ERBB4: variants seen among roughly 807,000 people sequenced by gnomAD.
The protein encoded by ERBB4 is erb-b2 receptor tyrosine kinase 4, also known as receptor tyrosine-protein kinase erbB-4.
A neutral mutation model predicts 158.0 loss-of-function variants in ERBB4; 42 were observed. That is an observed-to-expected ratio of 0.27 (90% CI 0.21 to 0.34). ERBB4 has a LOEUF of 0.34. ERBB4 is among the 10% of genes least tolerant of loss of function. ERBB4 has a pLI of 1.00. For synonymous variants in ERBB4, 583 were observed against 558.7 expected (o/e 1.04, Z -0.61); for missense variants, 1,333 against 1,624.1 (o/e 0.82, Z 3.08).
In ERBB4 at chr2:211,655,306, G is replaced by A. The variant is rs868100411; in HGVS notation, c.1946+2448C>T. On this transcript the variant is annotated intron_variant, in intron 16 of 27. Coordinates refer to ENST00000342788, the MANE Select transcript of ERBB4 (RefSeq NM_005235.3). ...CCTCTCTCCTTCCCCCGGGAAGCAC[G>A]TTCTCTCACCCTCAAGGTTTGAGAA... Among the ~76,000 whole-genome samples, 4 of 152,108 alleles carry A rather than the reference G, an allele frequency of 2.6e-5. No individual in the cohort carries two copies. The East Asian group carries it at 5.8e-4, about 22-fold the overall frequency.
intron 25 of ERBB4, among the ~76,000 whole-genome samples, chr2:211,398,621 T>G (rs987237900): frequency 6.6e-6 from 1 of 152,092 alleles, no homozygotes; most frequent in African/African-American, 2.4e-5. Context: ...GGCGGGCAGA[T>G]CACAAGGTCA....
intron 2 of ERBB4, among the ~76,000 whole-genome samples, chr2:212,001,793 T>C (rs1422213031): frequency 6.6e-6 from 1 of 152,220 alleles, no homozygotes; most frequent in Non-Finnish European, 1.5e-5. Flanking sequence ...TAAAATAATA[T>C]GTACAAATTG....
chr2:211,576,508 T>G (rs2125757676), intron 19 of ERBB4, among the ~76,000 whole-genome samples: 1 of 152,314 alleles, frequency 6.6e-6, no homozygotes, highest in African/African-American at 2.4e-5. Context: ...CATAGTTATT[T>G]TGTTGTATGT....
At chr2:212,537,134 G>GCGA (rs1265890858) in intron 1 of ERBB4, among the ~76,000 whole-genome samples, 7 of 115,036 alleles carry the variant, frequency 6.1e-5, no homozygotes, top group African/African-American at 4.6e-5. Context: ...GGCAAAGGAG[G>GCGA]CGGCGGCGGC....
intron 5 of ERBB4, 26 bp from the exon 6 acceptor site, chr2:211,725,220 G>T: frequency 6.4e-7 from 1 of 1,552,260 alleles, no homozygotes; most frequent in South Asian, 1.1e-5. Flanking sequence ...ATAGGACCAT[G>T]ATCAAAGTCT....
intron 19 of ERBB4, among the ~76,000 whole-genome samples, chr2:211,593,566 G>A (rs1474867846): frequency 6.6e-6 from 1 of 152,062 alleles, no homozygotes; most frequent in African/African-American, 2.4e-5. Context: ...ACAGCACTTT[G>A]TATTATTCTG....
intron 5 of ERBB4, among the ~76,000 whole-genome samples, chr2:211,734,520 T>C (rs2074536964): frequency 6.6e-6 from 1 of 151,404 alleles, no homozygotes; most frequent in East Asian, 1.9e-4. Context: ...TGTTCATTAG[T>C]TGTAACTGAG....
chr2:212,387,914 A>G (rs2090732040), intron 1 of ERBB4, among the ~76,000 whole-genome samples: 1 of 152,136 alleles, frequency 6.6e-6, no homozygotes, highest in African/African-American at 2.4e-5. Context: ...AGCATTGTAT[A>G]ATTAACTAGG....
chr2:212,460,437 G>T (rs1688512586), intron 1 of ERBB4, among the ~76,000 whole-genome samples: 1 of 152,186 alleles, frequency 6.6e-6, no homozygotes, highest in South Asian at 2.1e-4. Flanking sequence ...TGACAAAAAT[G>T]CTGATAGTGA....
chr2:211,475,368 G>A (rs185848963), intron 20 of ERBB4, among the ~76,000 whole-genome samples: 4 of 151,910 alleles, frequency 2.6e-5, no homozygotes, highest in Admixed American at 1.3e-4. Flanking sequence ...CAATAATGTC[G>A]GCCTCACAGT....
chr2:212,217,602 A>C (rs2083142604), intron 1 of ERBB4, among the ~76,000 whole-genome samples: 1 of 151,248 alleles, frequency 6.6e-6, no homozygotes. Flanking sequence ...CAAAGGAAAA[A>C]GAAGGAAACG....
At chr2:211,847,082 G>T (rs1189539256) in intron 3 of ERBB4, among the ~76,000 whole-genome samples, 4 of 152,070 alleles carry the variant, frequency 2.6e-5, no homozygotes, top group African/African-American at 9.7e-5. Context: ...GAGAAACTTG[G>T]TCCATAAATG....
At chr2:211,975,463 C>T (rs2081579329) in intron 2 of ERBB4, among the ~76,000 whole-genome samples, 1 of 152,120 alleles carries the variant, frequency 6.6e-6, no homozygotes, top group Non-Finnish European at 1.5e-5. Context: ...GGAGCTATAG[C>T]TTTCTTTCTT....
intron 20 of ERBB4, among the ~76,000 whole-genome samples, chr2:211,467,457 G>C (rs4429407): frequency 0.99 from 150,982 of 152,288 alleles, 74,919 homozygotes; most frequent in Middle Eastern, 1. Flanking sequence ...CAGCACTAAT[G>C]TATTTTTGTT....
intron 1 of ERBB4, among the ~76,000 whole-genome samples, chr2:212,309,013 A>G (rs772082686): frequency 2.0e-5 from 3 of 150,922 alleles, no homozygotes; most frequent in Admixed American, 6.6e-5. Context: ...TAAAATTGCT[A>G]CAGTAAGTTA....
At chr2:212,304,952 GTGTATA>G (rs2106218721) in intron 1 of ERBB4, among the ~76,000 whole-genome samples, 1 of 150,974 alleles carries the variant, frequency 6.6e-6, no homozygotes, top group African/African-American at 2.4e-5. Flanking sequence ...CTGTGTGTGT[GTGTATA>G]TATATATAAT....
At chr2:211,872,160 T>C (rs1256737020) in intron 3 of ERBB4, among the ~76,000 whole-genome samples, 2 of 152,202 alleles carry the variant, frequency 1.3e-5, no homozygotes, top group African/African-American at 4.8e-5. Context: ...AAAAAATACA[T>C]ATATAAAAAG....
rs531550977 is a variant in ERBB4 at position 211,737,146 on chromosome 2, C to A, written c.623-11952G>T. On this transcript the variant is annotated intron_variant, in intron 5 of 27. Transcript: ENST00000342788. ...ATTTGTTCTCTTACTCCAGCAGTAA[C>A]AACCAATGTCAACTTTTGAGTCTCT... 7.3e-4 allele frequency among the ~76,000 whole-genome samples: 111 copies of A among 152,164 alleles called. 6 individuals carry two copies. Among genetic ancestry groups the A allele is most frequent in the Non-Finnish European group, 7.4e-5 (5 of 68,018 alleles).
chr2:212,158,804 G>T (rs757459154), intron 1 of ERBB4, among the ~76,000 whole-genome samples: 27 of 151,892 alleles, frequency 1.8e-4, no homozygotes, highest in South Asian at 1.0e-3. Context: ...GGTTTGCTTA[G>T]GAATGATGAT....
Sources: allele counts gnomAD v4.1 joint callset (sites outside exome capture counted in the v4.1 genomes callset), GRCh38; gene constraint gnomAD v4.1.1; transcripts MANE v1.5; gene names NCBI Gene and HGNC (gene_info 2026-07-23, HGNC 2026-07-21).